The following GRID2 variants were observed in gnomAD, a reference collection of about 807,000 sequenced individuals.
GRID2 encodes glutamate ionotropic receptor delta type subunit 2, also known as glutamate receptor ionotropic, delta-2.
A neutral mutation model predicts 114.8 loss-of-function variants in GRID2; 33 were observed. That is an observed-to-expected ratio of 0.29 (90% CI 0.22 to 0.38). The LOEUF (loss-of-function observed/expected upper bound fraction) is 0.38. Ranked by LOEUF, GRID2 falls within the 10% of genes least tolerant of loss-of-function variation. GRID2 has a pLI of 1.00. For missense variants in GRID2, 1,184 were observed against 1,257.7 expected, an observed-to-expected ratio of 0.94 and a Z score of 0.89; for synonymous variants, 505 against 449.9, an observed-to-expected ratio of 1.12 and a Z score of -1.55.
intron 1 of GRID2, among the ~76,000 whole-genome samples, chr4:92,327,397 C>A (rs991034940): frequency 6.6e-6 from 1 of 151,772 alleles, no homozygotes; most frequent in African/African-American, 2.4e-5. Context: ...CCTTCTCAAT[C>A]TCTAGTCCCA....
chr4:93,644,818 A>G (rs1452437211), intron 14 of GRID2, among the ~76,000 whole-genome samples: 1 of 152,140 alleles, frequency 6.6e-6, no homozygotes, highest in Non-Finnish European at 1.5e-5. Context: ...GGACAAGGGG[A>G]ATCATTGAAG....
chr4:92,976,741 C>A (rs1278288673), intron 2 of GRID2, among the ~76,000 whole-genome samples: 1 of 152,102 alleles, frequency 6.6e-6, no homozygotes, highest in East Asian at 1.9e-4. Context: ...ATGTCTATTG[C>A]TGACTCTTCC....
intron 14 of GRID2, among the ~76,000 whole-genome samples, chr4:93,679,729 C>T (rs571180917): frequency 4.6e-5 from 7 of 150,784 alleles, no homozygotes; most frequent in Non-Finnish European, 8.9e-5. Flanking sequence ...TGGAAACCAA[C>T]GAGAACAAAG....
chr4:92,867,701 T>C (rs1216998465), intron 2 of GRID2, among the ~76,000 whole-genome samples: 1 of 152,176 alleles, frequency 6.6e-6, no homozygotes, highest in Admixed American at 6.5e-5. Flanking sequence ...AAAATTCCTA[T>C]GATCTGCATT....
chr4:93,307,561 G>A (rs1444375435), intron 8 of GRID2, among the ~76,000 whole-genome samples: 1 of 151,972 alleles, frequency 6.6e-6, no homozygotes, highest in East Asian at 1.9e-4. Flanking sequence ...CCTCCATGCA[G>A]GGATCTTGAT....
intron 2 of GRID2, among the ~76,000 whole-genome samples, chr4:92,740,919 G>A (rs1560565759): frequency 6.6e-6 from 1 of 151,938 alleles, no homozygotes; most frequent in Non-Finnish European, 1.5e-5. Flanking sequence ...ACTTATTCTT[G>A]TAGTTTTATT....
chr4:93,625,470 T>C (rs913435524), intron 13 of GRID2, among the ~76,000 whole-genome samples: 1 of 152,156 alleles, frequency 6.6e-6, no homozygotes, highest in African/African-American at 2.4e-5. Context: ...TTAACCAAAG[T>C]ACAAATTCTC....
At chr4:92,970,813 T>C (rs1753460205) in intron 2 of GRID2, among the ~76,000 whole-genome samples, 1 of 151,964 alleles carries the variant, frequency 6.6e-6, no homozygotes, top group Non-Finnish European at 1.5e-5. Context: ...TATGAAAATA[T>C]TTATCAGTGT....
At chr4:92,706,966 C>A (rs1344742395) in intron 2 of GRID2, among the ~76,000 whole-genome samples, 1 of 152,086 alleles carries the variant, frequency 6.6e-6, no homozygotes, top group Non-Finnish European at 1.5e-5. Flanking sequence ...ATTTTTATAG[C>A]CATCACATTC....
chr4:92,496,464 G>A (rs73837312), intron 1 of GRID2, among the ~76,000 whole-genome samples: 3,000 of 151,958 alleles, frequency 0.02, 113 homozygotes, highest in African/African-American at 0.069. Flanking sequence ...AGAACTTCAT[G>A]TATCTGACTA....
chr4:93,249,941 T>C (rs1201233841), intron 8 of GRID2, among the ~76,000 whole-genome samples: 2 of 152,146 alleles, frequency 1.3e-5, no homozygotes, highest in Non-Finnish European at 2.9e-5. Flanking sequence ...ATGTGGTGAT[T>C]CCTCAAGGAT....
intron 1 of GRID2, among the ~76,000 whole-genome samples, chr4:92,305,517 C>A (rs1041764041): frequency 2.6e-5 from 4 of 151,934 alleles, no homozygotes; most frequent in Non-Finnish European, 4.4e-5. Context: ...AGCAGATATC[C>A]GCCTTGCCTC....
chr4:92,804,171 G>C (rs1278874182), intron 2 of GRID2, among the ~76,000 whole-genome samples: 1 of 151,962 alleles, frequency 6.6e-6, no homozygotes, highest in African/African-American at 2.4e-5. Flanking sequence ...ACCTTAACTT[G>C]ATGTCTTCCA....
At chr4:93,539,323 C>T (rs1035971729) in intron 13 of GRID2, among the ~76,000 whole-genome samples, 1 of 151,898 alleles carries the variant, frequency 6.6e-6, no homozygotes, top group Non-Finnish European at 1.5e-5. Context: ...GTTGCCTATC[C>T]TCTTGTTAAA....
rs748180346 is a variant in GRID2, at chr4:93,769,272, A to G, written c.2423A>G (p.Asn808Ser). 1.1e-5 allele frequency: 18 copies of G among 1,613,446 alleles called. No individual in the cohort carries two copies. The highest frequency in any genetic ancestry group is 1.0e-4 in the Admixed American group (6 of 59,994). The part of the protein sequence containing the change: ...DILKHKWWPK[N>S]GQCDLYSSVD... The stretch of plus-strand genomic sequence containing the variant: ...CTGAAGCACAAATGGTGGCCTAAGA[A>G]TGGCCAGTGTGACCTGTACTCGTCA... The change falls in exon 15 of 16, where the codon AAT (asparagine) becomes AGT (serine). Residue 808 changes from asparagine (N) to serine (S), a missense_variant. Physicochemically the swap from Asn to Ser is conservative, Grantham distance 46. Coordinates refer to ENST00000282020, the MANE Select transcript of GRID2 (RefSeq NM_001510.4).
chr4:93,633,013 CTGTT>C (rs754068064), intron 14 of GRID2, among the ~76,000 whole-genome samples: 4 of 152,054 alleles, frequency 2.6e-5, no homozygotes, highest in Admixed American at 6.6e-5. Context: ...ATTTGGCTCT[CTGTT>C]TGTCTTTTAC....
At chr4:92,964,581 C>A (rs1580153) in intron 2 of GRID2, among the ~76,000 whole-genome samples, 148,982 of 152,152 alleles carry the variant, frequency 0.98, 72,963 homozygotes, top group East Asian at 1. Flanking sequence ...TAGGGCAGCC[C>A]CCTTTGTCAA....
intron 14 of GRID2, among the ~76,000 whole-genome samples, chr4:93,693,866 A>T (rs1726780939): frequency 6.6e-6 from 1 of 152,194 alleles, no homozygotes; most frequent in Non-Finnish European, 1.5e-5. Flanking sequence ...TTAAATAAGT[A>T]TGTTGAGGAG....
intron 4 of GRID2, among the ~76,000 whole-genome samples, chr4:93,153,103 A>G (rs1229874324): frequency 6.6e-6 from 1 of 152,262 alleles, no homozygotes; most frequent in African/African-American, 2.4e-5. Flanking sequence ...TGTCTAACCT[A>G]TTTAGATAGG....
Sources: gnomAD v4.1 joint callset for allele counts (sites outside exome capture counted in the v4.1 genomes callset) on GRCh38, gnomAD v4.1.1 for gene constraint, MANE v1.5 for transcripts, NCBI Gene and HGNC (gene_info 2026-07-23, HGNC 2026-07-21) for gene names.